ROGDI: variants seen among roughly 807,000 people sequenced by gnomAD.
ROGDI encodes the protein rogdi atypical leucine zipper, also known as protein rogdi homolog.
In ROGDI, 46 loss-of-function variants were observed where a neutral mutation model predicts 43.1. The ratio of observed to expected loss-of-function variants is 1.07; its 90% CI spans 0.84 to 1.37. The LOEUF is 1.37. Among genes scored for constraint, ROGDI ranks in the 40% most tolerant of loss-of-function variants. ROGDI has a pLI of 0.00. For missense variants in ROGDI, 518 were observed against 383.9 expected (o/e 1.35, Z -2.92); for synonymous variants, 243 against 162.0 (o/e 1.50, Z -3.80).
Position 4,801,573 on chromosome 16 carries a change from G to T in ROGDI, c.130C>A (p.Arg44Ser). Residue 44 changes from arginine (R) to serine (S), a missense_variant, in exon 3 of 11, where the codon CGC becomes AGC. Transcript: ENST00000322048. The stretch of plus-strand genomic sequence containing the variant: ...GTGCCGGAGCCCGGCAGAGTGAAGC[G>T]CAGAGAGGCCTCCTGTGGAACAGAG... ...LQDILKEASL[R>S]FTLPGSGTEG... The T allele has an allele frequency of 1.2e-6, 2 of 1,601,068 alleles. No individual in the cohort carries two copies. Among genetic ancestry groups the T allele is most frequent in the Admixed American group, 1.7e-5 (1 of 57,820 alleles).
At chr16:4,800,699 T>G (rs2082704628) in intron 4 of ROGDI, 121 bp from the exon 5 acceptor site, 1 of 791,068 alleles carries the variant, frequency 1.3e-6, no homozygotes. Context: ...GGCCGCTGTA[T>G]AGGGCAGAGG....
intron 2 of ROGDI, 117 bp from the exon 3 acceptor site, chr16:4,801,702 C>G: frequency 1.0e-6 from 1 of 987,694 alleles, no homozygotes; most frequent in Non-Finnish European, 1.5e-6. Context: ...CGTGGCCTGG[C>G]CTCACCTGGG....
At chr16:4,799,417 C>T (rs1596276279) in intron 6 of ROGDI, among the ~76,000 whole-genome samples, 1 of 152,120 alleles carries the variant, frequency 6.6e-6, no homozygotes, top group Non-Finnish European at 1.5e-5. Context: ...TCACATGTGC[C>T]ACGCGGTTAA....
At chr16:4,799,218 C>T (rs937133233) in intron 6 of ROGDI, among the ~76,000 whole-genome samples, 7 of 152,024 alleles carry the variant, frequency 4.6e-5, no homozygotes, top group South Asian at 2.1e-4. Context: ...CCAGGAAACA[C>T]GTAAGAGCTG....
At chr16:4,800,754 G>C in intron 4 of ROGDI, 176 bp from the exon 5 acceptor site, 1 of 591,910 alleles carries the variant, frequency 1.7e-6, no homozygotes, top group Admixed American at 3.0e-5. Flanking sequence ...AGGGAGGTCA[G>C]GAAACAGGAA....
At position 4,799,776 on chromosome 16, in the gene ROGDI, C is replaced by T; in HGVS notation, c.342G>A (p.Gln114=). The T allele has an allele frequency of 6.2e-7, 1 of 1,612,946 alleles. No homozygotes were observed. The highest frequency in any genetic ancestry group is 1.1e-5 in the South Asian group (1 of 90,964). ...EDKQWKLQQI[Q]DARNHVSQAI... is the part of the protein sequence containing the mutation. Reference sequence around the variant, plus strand: ...CTTGGCTCACATGGTTTCTGGCATCCTGGATCTGGAAGCAGGGGTCATCCA... The same window carrying T: ...CTTGGCTCACATGGTTTCTGGCATCTTGGATCTGGAAGCAGGGGTCATCCA... The change falls in exon 6 of 11, where the codon CAG becomes CAA. Residue 114 remains glutamine, a synonymous_variant. Coordinates refer to ENST00000322048, the MANE Select transcript of ROGDI (RefSeq NM_024589.3).
rs374819268 is a variant in ROGDI at position 4,799,708 on chromosome 16, T to C, written c.410A>G (p.Lys137Arg). Residue 137 changes from lysine (K) to arginine (R), a missense_variant, in exon 6 of 11, where the codon AAG becomes AGG. Lys to Arg is a conservative substitution (Grantham distance 26, BLOSUM62 2). Transcript: ENST00000322048. ...LTSRDQSYQF[K>R]TGAEVLKLMD... The stretch of plus-strand genomic sequence containing the variant: ...CACCTTGAGGACCTCAGCGCCCGTC[T>C]TGAACTGGTAGCTCTGGTCCCGGCT... 1.1e-4 allele frequency: 180 copies of C among 1,613,484 alleles called. No individual in the cohort carries two copies. Among genetic ancestry groups the C allele is most frequent in the Non-Finnish European group, 1.4e-4 (161 of 1,179,708 alleles).
In ROGDI at chr16:4,797,864, G is replaced by A. The variant is rs770452832; in HGVS notation, c.696-24C>T. ...CGCTGTGGGCAGTGAGAGGGTCCCT[G>A]AGGAGGGTCCCGGCCCTCCAGGTGT... On this transcript the variant is annotated intron_variant, in intron 9 of 10. Coordinates refer to ENST00000322048, the MANE Select transcript of ROGDI (RefSeq NM_024589.3). 57 of 1,609,404 alleles carry A rather than the reference G, an allele frequency of 3.5e-5. No individual in the cohort carries two copies. In the East Asian group the frequency reaches 1.2e-3, roughly 35 times the overall value.
At chr16:4,800,466 G>A (rs1382862374) in intron 5 of ROGDI, 32 bp downstream of exon 5, 2 of 1,532,866 alleles carry the variant, frequency 1.3e-6, no homozygotes, top group Non-Finnish European at 1.8e-6. Flanking sequence ...CTGTCCTTGT[G>A]GCTGAGCACT....
intron 5 of ROGDI, 42 bp from the exon 6 acceptor site, chr16:4,799,823 T>C (rs1165867136): frequency 4.1e-6 from 6 of 1,450,606 alleles, no homozygotes; most frequent in South Asian, 1.2e-5. Flanking sequence ...CCAGCTTCCA[T>C]GCGGCCAGGA....
Position 4,797,450 on chromosome 16 carries a change from G to A in ROGDI, c.*10C>T, listed in dbSNP as rs779326500. 6.2e-7 allele frequency: 1 copy of A among 1,612,538 alleles called. No homozygotes were observed. The highest frequency in any genetic ancestry group is 1.7e-5 in the Admixed American group (1 of 59,856). On this transcript the variant is annotated 3_prime_UTR_variant, in exon 11 of 11. Coordinates refer to ENST00000322048, the MANE Select transcript of ROGDI (RefSeq NM_024589.3). ...CCGCCTTCCTGGAGACAAGCTCCTG[G>A]GTGCTGTGATCAGAAGGGTCTGTAG...
chr16:4,797,154 A>G lies in ROGDI; in HGVS notation c.*306T>C. The G allele has an allele frequency of 3.1e-6, 1 of 325,596 alleles. No individual in the cohort carries two copies. Among genetic ancestry groups the G allele is most frequent in the Non-Finnish European group, 5.8e-6 (1 of 173,866 alleles). The allele number at this position is 325,596 out of a possible 1,614,324, so 20.2% of individuals were successfully genotyped here. The stretch of plus-strand genomic sequence containing the variant: ...GGGAGGGGACAGCGAAGGGGAGAGG[A>G]GGGAGAGCCCTGCGCCTGGCCCTGT... On this transcript the variant is annotated 3_prime_UTR_variant, in exon 11 of 11. Transcript: ENST00000322048.
At chr16:4,798,268 C>G (rs1375999474) in intron 7 of ROGDI, 84 bp from the exon 8 acceptor site, 23 of 1,150,994 alleles carry the variant, frequency 2.0e-5, no homozygotes, top group Non-Finnish European at 2.9e-5. Context: ...CTCATGGAGT[C>G]TGCAGGGGAT....
At chr16:4,801,098 G>C (rs1045145957) in intron 4 of ROGDI, 169 bp downstream of exon 4, 1 of 573,284 alleles carries the variant, frequency 1.7e-6, no homozygotes, top group Non-Finnish European at 3.0e-6. Context: ...TCTGCACACC[G>C]ATCCCGGGAG....
intron 7 of ROGDI, 151 bp downstream of exon 7, chr16:4,798,418 C>A: frequency 1.4e-6 from 1 of 725,034 alleles, no homozygotes; most frequent in Non-Finnish European, 2.2e-6. Flanking sequence ...GGGCACAGGA[C>A]GGAAGCCAAG....
In ROGDI at chr16:4,800,578, C is replaced by T; in HGVS notation, c.256G>A (p.Asp86Asn). The T allele has an allele frequency of 6.4e-7, 1 of 1,564,722 alleles. No homozygotes were observed. Among genetic ancestry groups the T allele is most frequent in the Non-Finnish European group, 8.7e-7 (1 of 1,153,910 alleles). The stretch of plus-strand genomic sequence containing the variant: ...TTCCGGGGCATCTTCAGGTTCACAT[C>T]CTGACAGGCAAGAGTGGGGTGAGCT... Reference protein sequence around the residue: ...TLQGDALSQADVNLKMPRNNQ... With the variant: ...TLQGDALSQANVNLKMPRNNQ... Residue 86 changes from aspartate to asparagine, a missense_variant and splice_region_variant, in exon 5 of 11, where the codon GAT (aspartate) becomes AAT (asparagine). Asp to Asn is a conservative substitution (Grantham distance 23). Transcript: ENST00000322048.
At position 4,800,570 on chromosome 16, in the gene ROGDI, GTTCAC is replaced by G. The variant is rs1284931430; in HGVS notation, c.259_263del (p.Val87ProfsTer53). Reference sequence around the variant, plus strand: ...GCTGGTTGTTCCGGGGCATCTTCAGGTTCACATCCTGACAGGCAAGAGTGGGGTGA... The same window carrying G: ...GCTGGTTGTTCCGGGGCATCTTCAGGATCCTGACAGGCAAGAGTGGGGTGA... On this transcript the variant is annotated frameshift_variant, in exon 5 of 11. Transcript: ENST00000322048. LOFTEE classifies it high-confidence loss of function. 1 of 1,566,990 alleles carries G rather than the reference GTTCAC, an allele frequency of 6.4e-7. No individual in the cohort carries two copies. The highest frequency in any genetic ancestry group is 8.7e-7 in the Non-Finnish European group (1 of 1,155,230).
rs542248090 is a variant in ROGDI, at chr16:4,802,235, C to G, written c.117+147G>C. 3.5e-5 allele frequency: 26 copies of G among 749,142 alleles called. No individual in the cohort carries two copies. The African/African-American group carries it at 3.5e-4, about 10-fold the overall frequency. The allele number at this position is 749,142 out of a possible 1,614,324, so 46.4% of individuals were successfully genotyped here. Reference sequence around the variant, plus strand: ...AGGTACTTATATAATGAGGTCGGCTCGAGTTCGCGGAGGCGGGGCCCTGCC... The same window carrying G: ...AGGTACTTATATAATGAGGTCGGCTGGAGTTCGCGGAGGCGGGGCCCTGCC... On this transcript the variant is annotated intron_variant, in intron 2 of 10. Coordinates refer to ENST00000322048, the MANE Select transcript of ROGDI (RefSeq NM_024589.3).
intron 4 of ROGDI, chr16:4,800,922 C>A (rs1480038941): frequency 1.0e-5 from 5 of 502,206 alleles, no homozygotes; most frequent in Middle Eastern, 5.2e-4. Context: ...GGCCTCCCCC[C>A]ACGCCTTGGT....
Sources: gnomAD v4.1 joint callset for allele counts (sites outside exome capture counted in the v4.1 genomes callset) on GRCh38, gnomAD v4.1.1 for gene constraint, MANE v1.5 for transcripts, NCBI Gene and HGNC (gene_info 2026-07-23, HGNC 2026-07-21) for gene names.